SYT8: variants seen among roughly 807,000 people sequenced by gnomAD.
The protein encoded by SYT8 is synaptotagmin-8.
In SYT8, 50 loss-of-function variants were observed where a neutral mutation model predicts 34.9. The observed-to-expected ratio is 1.43, with a 90% CI of 1.14 to 1.81. The LOEUF is 1.81. SYT8 is among the 40% of genes most tolerant of loss of function. SYT8 has a pLI of 0.00. For synonymous variants in SYT8, 255 were observed against 234.2 expected, an observed-to-expected ratio of 1.09 and a Z score of -0.81; for missense variants, 595 against 529.0, an observed-to-expected ratio of 1.12 and a Z score of -1.22.
chr11:1,832,456 A>G (rs1328545222), upstream of SYT8, among the ~76,000 whole-genome samples: 2 of 152,182 alleles, frequency 1.3e-5, no homozygotes, highest in Non-Finnish European at 2.9e-5. Flanking sequence ...ACAGACAGCC[A>G]AAGCTAGACA....
Position 1,836,095 on chromosome 11 carries a change from C to T in SYT8, c.358-31C>T, listed in dbSNP as rs200037189. On this transcript the variant is annotated intron_variant, in intron 3 of 7. Transcript: ENST00000341958. ...GGTGGGGAGCTGACAGGGCAGGGGC[C>T]CTTGGCTGAGCCCACCCCGCTGGCT... The T allele has an allele frequency of 7.2e-6, 11 of 1,528,112 alleles. No homozygotes were observed. In the East Asian group the frequency reaches 2.6e-4, roughly 36 times the overall value. 94.7% of individuals were successfully genotyped at this position (1,528,112 alleles called of 1,614,324 possible).
chr11:1,834,462 C>G, upstream of SYT8: 4 of 1,056,596 alleles, frequency 3.8e-6, no homozygotes, highest in Non-Finnish European at 5.7e-6. The surrounding 1 kb of genome is among the most constrained non-coding windows in gnomAD (Gnocchi z 4.5). Context: ...CAGGAATGCA[C>G]CTTTAGCCCA....
Position 1,837,361 on chromosome 11 carries a change from C to T in SYT8, c.1094C>T (p.Ala365Val). 1 of 1,596,784 alleles carries T rather than the reference C, an allele frequency of 6.3e-7. No homozygotes were observed. The highest frequency in any genetic ancestry group is 8.5e-7 in the Non-Finnish European group (1 of 1,176,016). Residue 365 changes from alanine to valine, a missense_variant, in exon 8 of 8, where the codon GCC becomes GTC. Coordinates refer to ENST00000341958, the MANE Select transcript of SYT8 (RefSeq NM_001394072.1). Reference sequence around the variant, plus strand: ...GCCCAGCGGCACCCCCTGCGGCCAGCCAGGGAGGTGGACCGCATGCTGGCC... The same window carrying T: ...GCCCAGCGGCACCCCCTGCGGCCAGTCAGGGAGGTGGACCGCATGCTGGCC... Reference protein sequence around the residue: ...PIAQRHPLRPAREVDRMLALQ... With the variant: ...PIAQRHPLRPVREVDRMLALQ...
At chr11:1,832,395 A>C (rs1846699103), upstream of SYT8, among the ~76,000 whole-genome samples, 1 of 152,158 alleles carries the variant, frequency 6.6e-6, no homozygotes, top group East Asian at 1.9e-4. Flanking sequence ...CTTTCCTGGG[A>C]AAACATGGCG....
rs767529739 is a variant in SYT8, at chr11:1,837,232, C to T, written c.965C>T (p.Pro322Leu). ...LVLAVWDRSL[P>L]LRTEPVGKVH... The stretch of plus-strand genomic sequence containing the variant: ...CTGGCTGTCTGGGACCGCAGCCTGC[C>T]GCTCCGAACTGAGCCCGTAGGCAAG... The change falls in exon 8 of 8, where the codon CCG (proline) becomes CTG (leucine). Residue 322 changes from proline to leucine, a missense_variant. Physicochemically the swap from Pro to Leu is moderately conservative, Grantham distance 98 (BLOSUM62 -3). Coordinates refer to ENST00000341958, the MANE Select transcript of SYT8 (RefSeq NM_001394072.1). 65 of 1,572,246 alleles carry T rather than the reference C, an allele frequency of 4.1e-5. No homozygotes were observed. Among genetic ancestry groups the T allele is most frequent in the South Asian group, 1.6e-4 (14 of 85,850 alleles).
rs564271 is a variant in SYT8 at position 1,835,943 on chromosome 11, T to C, written c.316T>C (p.Cys106Arg). 1 allele frequency: 1,605,074 copies of C among 1,608,890 alleles called. 800,723 individuals are homozygous for C. Among genetic ancestry groups the C allele is most frequent in the Non-Finnish European group, 1 (1,178,596 of 1,178,670 alleles). Reference protein sequence around the residue: ...SSPGDAQQWGCLQLSLEFDFG... With the variant: ...SSPGDAQQWGRLQLSLEFDFG... ...CCCGGGGGATGCTCAGCAATGGGGG[T>C]GCCTGCAGCTCTCCCTGGAGTTCGA... Residue 106 changes from cysteine (C) to arginine (R), a missense_variant, in exon 3 of 8, where the codon TGC becomes CGC. Coordinates refer to ENST00000341958, the MANE Select transcript of SYT8 (RefSeq NM_001394072.1).
upstream of SYT8, chr11:1,834,401 C>A: frequency 1.5e-6 from 1 of 667,454 alleles, no homozygotes; most frequent in Non-Finnish European, 2.7e-6. The surrounding 1 kb of genome is among the most constrained non-coding windows in gnomAD (Gnocchi z 4.5). Flanking sequence ...CCTGCCCCTA[C>A]CTGCCACCAC....
In SYT8 at chr11:1,835,974, G is replaced by GT; in HGVS notation, c.347_348insT (p.Ser117LysfsTer37). ...CAGCTCTCCCTGGAGTTCGACTTTGGAAGCCAGGAGGTGAAGGGCCCCGCT... is the reference window on the plus strand; with the variant it reads ...CAGCTCTCCCTGGAGTTCGACTTTGGTAAGCCAGGAGGTGAAGGGCCCCGCT... On this transcript the variant is annotated frameshift_variant, in exon 3 of 8. Transcript: ENST00000341958. LOFTEE classifies it high-confidence loss of function. The GT allele has an allele frequency of 6.2e-7, 1 of 1,605,360 alleles. No homozygotes were observed. Among genetic ancestry groups the GT allele is most frequent in the Non-Finnish European group, 8.5e-7 (1 of 1,177,510 alleles).
upstream of SYT8, chr11:1,834,411 C>T (rs1342804960): frequency 1.4e-6 from 1 of 690,560 alleles, no homozygotes; most frequent in East Asian, 2.8e-5. The surrounding 1 kb of genome is among the most constrained non-coding windows in gnomAD (Gnocchi z 4.5). Flanking sequence ...CCTGCCACCA[C>T]CTCACCTTCA....
intron 7 of SYT8, 34 bp from the exon 8 acceptor site, chr11:1,837,158 C>A: frequency 6.3e-7 from 1 of 1,592,442 alleles, no homozygotes; most frequent in Non-Finnish European, 8.6e-7. Flanking sequence ...GGTCTTTCTC[C>A]CCCAACTCCA....
chr11:1,836,267 G>A lies in SYT8; in HGVS notation c.499G>A (p.Glu167Lys), dbSNP rs138863624. Reference protein sequence around the residue: ...HRGTLCPVFDETCCFHIPQAE... With the variant: ...HRGTLCPVFDKTCCFHIPQAE... ...AGGCACGCTCTGCCCCGTGTTTGAC[G>A]AGACCTGCTGCTTCCACGTGAGTCA... The change falls in exon 4 of 8, where the codon GAG becomes AAG. Residue 167 changes from glutamate to lysine, a missense_variant. Transcript: ENST00000341958. 2.2e-4 allele frequency: 351 copies of A among 1,561,458 alleles called. 1 individual carries two copies. In the Middle Eastern group the frequency reaches 2.4e-3, roughly 11 times the overall value.
intron 5 of SYT8, 53 bp from the exon 6 acceptor site, chr11:1,836,703 C>G: frequency 6.3e-7 from 1 of 1,596,686 alleles, no homozygotes; most frequent in Non-Finnish European, 8.5e-7. Flanking sequence ...GGTCTGAGCC[C>G]CAACTCGGCC....
intron 3 of SYT8, 26 bp from the exon 4 acceptor site, chr11:1,836,100 G>T: frequency 6.6e-7 from 1 of 1,523,136 alleles, no homozygotes; most frequent in Non-Finnish European, 8.8e-7. Context: ...GGGGCCCTTG[G>T]CTGAGCCCAC....
In SYT8 at chr11:1,837,042, C is replaced by T. The variant is rs773750985; in HGVS notation, c.876C>T (p.Pro292=). The change falls in exon 7 of 8, where the codon CCC becomes CCT. Residue 292 remains proline, a synonymous_variant. Transcript: ENST00000341958. ...CCACCAAAAAGGGCACGGCGGCCCC[C>T]TACTTCAATGAGGCCTTCACCTTCC... ...KTATKKGTAA[P]YFNEAFTFLV... 5.0e-6 allele frequency: 8 copies of T among 1,613,696 alleles called. No individual in the cohort carries two copies. The African/African-American group carries it at 9.3e-5, about 19-fold the overall frequency.
chr11:1,832,833 G>A (rs1846718230), upstream of SYT8, among the ~76,000 whole-genome samples: 1 of 152,122 alleles, frequency 6.6e-6, no homozygotes, highest in Non-Finnish European at 1.5e-5. Context: ...GCCGGCCGCG[G>A]CAAATCACTG....
intron 2 of SYT8, 160 bp from the exon 3 acceptor site, chr11:1,835,726 G>C (rs1015485272): frequency 1.3e-4 from 104 of 781,708 alleles, no homozygotes; most frequent in Non-Finnish European, 2.1e-4. Flanking sequence ...GGTGGGTTTG[G>C]CCGGTCTCAC....
Position 1,836,863 on chromosome 11 carries a change from T to A in SYT8, c.790+2T>A. 6.2e-7 allele frequency: 1 copy of A among 1,612,098 alleles called. No homozygotes were observed. Among genetic ancestry groups the A allele is most frequent in the Non-Finnish European group, 8.5e-7 (1 of 1,179,936 alleles). On this transcript the variant is annotated splice_donor_variant, in intron 6 of 7. Coordinates refer to ENST00000341958, the MANE Select transcript of SYT8 (RefSeq NM_001394072.1). LOFTEE classifies it high-confidence loss of function. ...GAGGCCTGCGTCCAGGACTTGCAGG[T>A]GAGGGTCACACCTGCCCACGTTGTT...
rs1274712133 is a variant in SYT8, at chr11:1,836,338, TGGGTGGGCCTGGGCA to T, written c.516+56_516+70del. 10 of 1,391,932 alleles carry T rather than the reference TGGGTGGGCCTGGGCA, an allele frequency of 7.2e-6. No individual in the cohort carries two copies. In the African/African-American group the frequency reaches 1.5e-4, roughly 21 times the overall value. 86.2% of individuals were successfully genotyped at this position (1,391,932 alleles called of 1,614,324 possible). A position where few individuals can be genotyped will look rare whatever the true frequency, so the allele number is the denominator to read the frequency against. On this transcript the variant is annotated intron_variant, in intron 4 of 7. Transcript: ENST00000341958. ...CCTGGACGGCTGGATGGGCCTGGGC[TGGGTGGGCCTGGGCA>T]GCTGGGTGGGCCTGGGCAGCTGGGT...
chr11:1,832,943 A>G (rs1029715365), upstream of SYT8, among the ~76,000 whole-genome samples: 1 of 152,216 alleles, frequency 6.6e-6, no homozygotes, highest in Non-Finnish European at 1.5e-5. Flanking sequence ...GCACACGCAC[A>G]CGCACACATG....
Sources: allele counts gnomAD v4.1 joint callset (sites outside exome capture counted in the v4.1 genomes callset), GRCh38; gene constraint gnomAD v4.1.1; non-coding constraint Gnocchi (gnomAD v3.1); transcripts MANE v1.5; gene names NCBI Gene and HGNC (gene_info 2026-07-23, HGNC 2026-07-21).